Variants in NR4A1 observed in about 807,000 individuals in gnomAD.
NR4A1 encodes the protein nuclear receptor subfamily 4 group A member 1.
NR4A1 carries 24 observed loss-of-function variants against 47.5 expected under a neutral mutation model. That is an observed-to-expected ratio of 0.50 (90% CI 0.37 to 0.71). NR4A1 has a LOEUF of 0.71. Ranked by LOEUF, NR4A1 falls within the 30% of genes least tolerant of loss-of-function variation. NR4A1 has a pLI of 0.00. For synonymous variants in NR4A1, 353 were observed against 345.7 expected (o/e 1.02, Z -0.24); for missense variants, 669 against 788.6 (o/e 0.85, Z 1.82).
At chr12:52,037,086 G>A (rs996737292) in intron 1 of NR4A1, 6 of 151,072 alleles carry the variant, frequency 4.0e-5, no homozygotes, top group African/African-American at 9.7e-5. Flanking sequence ...CCGCCGCCGG[G>A]ATTCCGGAGA....
intron 1 of NR4A1, among the ~76,000 whole-genome samples, chr12:52,034,937 A>C (rs557824180): frequency 2.6e-5 from 4 of 152,140 alleles, no homozygotes; most frequent in African/African-American, 4.8e-5. Context: ...TCAAAGAGGC[A>C]CTCTCATGGC....
intron 1 of NR4A1, among the ~76,000 whole-genome samples, chr12:52,034,689 A>T (rs918091280): frequency 6.6e-6 from 1 of 152,216 alleles, no homozygotes; most frequent in Non-Finnish European, 1.5e-5. Context: ...TCAGGGAGAC[A>T]ACAACAGGGC....
chr12:52,054,764 T>C lies in NR4A1; in HGVS notation c.436T>C (p.Phe146Leu), dbSNP rs199798856. 1.2e-6 allele frequency: 2 copies of C among 1,612,410 alleles called. No individual in the cohort carries two copies. Among genetic ancestry groups the C allele is most frequent in the African/African-American group, 2.7e-5 (2 of 74,906 alleles). The stretch of plus-strand genomic sequence containing the variant: ...GGCCCCGTCGCCCTCCACGCCCAGC[T>C]TCCAGCCGCCCCAGCTCTCTCCCTG... ...CSAPSPSTPS[F>L]QPPQLSPWDG... Residue 146 changes from phenylalanine to leucine, a missense_variant, in exon 2 of 7, where the codon TTC becomes CTC. Physicochemically the swap from Phe to Leu is conservative, Grantham distance 22 (BLOSUM62 0). Coordinates refer to ENST00000394825, the MANE Select transcript of NR4A1 (RefSeq NM_173157.3).
intron 1 of NR4A1, among the ~76,000 whole-genome samples, chr12:52,052,304 T>TGTGTGA (rs398019589): frequency 4.0e-4 from 28 of 70,660 alleles, no homozygotes; most frequent in African/African-American, 1.2e-3. Context: ...TGTGTGTGTG[T>TGTGTGA]GAGAGAGAGA....
At chr12:52,037,230 C>T (rs1938268068) in intron 1 of NR4A1, 1 of 366,016 alleles carries the variant, frequency 2.7e-6, no homozygotes, top group Non-Finnish European at 3.8e-6. Flanking sequence ...GGGGGGCTTC[C>T]CGGGGGCGGG....
At chr12:52,026,100 T>C (rs1937993900) in intron 1 of NR4A1, among the ~76,000 whole-genome samples, 2 of 152,214 alleles carry the variant, frequency 1.3e-5, no homozygotes, top group African/African-American at 4.8e-5. Flanking sequence ...TCTGGACAGA[T>C]CACACCCTGT....
intron 1 of NR4A1, among the ~76,000 whole-genome samples, chr12:52,031,276 T>C (rs1938122027): frequency 6.6e-6 from 1 of 151,796 alleles, no homozygotes. Context: ...TCCTCCCATC[T>C]CGGCCTCCCA....
intron 1 of NR4A1, among the ~76,000 whole-genome samples, chr12:52,025,516 A>T (rs2120900145): frequency 6.6e-6 from 1 of 151,916 alleles, no homozygotes; most frequent in African/African-American, 2.4e-5. Context: ...TCCCTGCTAC[A>T]TTGTCGCCTC....
intron 1 of NR4A1, among the ~76,000 whole-genome samples, chr12:52,028,237 G>A (rs1007745586): frequency 5.5e-5 from 8 of 144,236 alleles, no homozygotes; most frequent in Admixed American, 2.1e-4. Flanking sequence ...AAAGAAGAGA[G>A]AAGTATGAAT....
intron 1 of NR4A1, among the ~76,000 whole-genome samples, chr12:52,033,270 C>T (rs1938169153): frequency 6.6e-6 from 1 of 152,152 alleles, no homozygotes; most frequent in Non-Finnish European, 1.5e-5. Flanking sequence ...AGGGAGGACC[C>T]GCCGGGCCAG....
In NR4A1 at chr12:52,054,481, C is replaced by G; in HGVS notation, c.153C>G (p.Pro51=). 1 of 1,613,910 alleles carries G rather than the reference C, an allele frequency of 6.2e-7. No homozygotes were observed. The highest frequency in any genetic ancestry group is 8.5e-7 in the Non-Finnish European group (1 of 1,179,986). ...EAAPAAPTAL[P]SFSTFMDGYT... is the part of the protein sequence containing the mutation. ...CCCCCGCTGCCCCCACTGCCCTGCC[C>G]AGCTTCAGCACCTTCATGGACGGCT... The change falls in exon 2 of 7, where the codon CCC becomes CCG. Residue 51 remains proline, a synonymous_variant. Transcript: ENST00000394825.
intron 1 of NR4A1, among the ~76,000 whole-genome samples, chr12:52,024,398 G>A (rs1045738167): frequency 6.6e-6 from 1 of 152,064 alleles, no homozygotes; most frequent in Non-Finnish European, 1.5e-5. Flanking sequence ...CTCTCCAAGT[G>A]CTTAACTTAT....
rs1314020568 is a variant in NR4A1 at position 52,057,082 on chromosome 12, T to G, written c.1184T>G (p.Phe395Cys). ...TTCCAGGAGCTGGTGCTGCCCCACT[T>G]TGGGAAGGAAGATGCTGGGGATGTA... ...SKFQELVLPH[F>C]GKEDAGDVQQ... Residue 395 changes from phenylalanine (F) to cysteine (C), a missense_variant, in exon 5 of 7, where the codon TTT becomes TGT. Coordinates refer to ENST00000394825, the MANE Select transcript of NR4A1 (RefSeq NM_173157.3). 5.6e-6 allele frequency: 9 copies of G among 1,608,530 alleles called. 1 individual carries two copies. In the East Asian group the frequency reaches 1.8e-4, roughly 32 times the overall value.
At chr12:52,024,538 T>A (rs184039840) in intron 1 of NR4A1, among the ~76,000 whole-genome samples, 84 of 152,116 alleles carry the variant, frequency 5.5e-4, no homozygotes, top group African/African-American at 1.9e-3. Flanking sequence ...CTACAAAAAA[T>A]TTTTAAAAAT....
At chr12:52,050,635 T>G (rs2120391344), upstream of NR4A1, among the ~76,000 whole-genome samples, 2 of 152,268 alleles carry the variant, frequency 1.3e-5, no homozygotes, top group South Asian at 2.1e-4. Flanking sequence ...GCCAGAGCTG[T>G]TGGCCGAGCT....
chr12:52,041,756 G>A (rs1408970800), intron 1 of NR4A1: 3 of 1,259,432 alleles, frequency 2.4e-6, no homozygotes, highest in African/African-American at 1.5e-5. Flanking sequence ...CTGTCTCCAG[G>A]GAATGTGCCT....
In NR4A1 at chr12:52,034,876, G is replaced by A. The variant is rs143029547; in HGVS notation, c.-83-6934G>A. Among the ~76,000 whole-genome samples, 195 of 152,320 alleles carry A rather than the reference G, an allele frequency of 1.3e-3. 1 individual carries two copies. Among genetic ancestry groups the A allele is most frequent in the African/African-American group, 4.3e-3 (179 of 41,576 alleles). On this transcript the variant is annotated intron_variant, in intron 1 of 7. Coordinates refer to the NR4A1 transcript ENST00000360284. ...CCTCCAAGTCCTCCTGTATGGAAAT[G>A]GCAGATCTGCCATGATGTGCCAGAC...
In NR4A1 at chr12:52,052,628, C is replaced by G. The variant is rs149292649; in HGVS notation, c.-3+1060C>G. The G allele has an allele frequency of 3.8e-4, 370 of 985,656 alleles. 5 individuals are homozygous for G. The East Asian group carries it at 0.013, about 35-fold the overall frequency. The allele number at this position is 985,656 out of a possible 1,614,324, so 61.1% of individuals were successfully genotyped here. On this transcript the variant is annotated intron_variant, in intron 1 of 6. Transcript: ENST00000394825. Reference sequence around the variant, plus strand: ...TCCTCCTCCTGTGGGACTGCTCCCCCCTCCTGTGAGGCTAGATGTAGGTCC... The same window carrying G: ...TCCTCCTCCTGTGGGACTGCTCCCCGCTCCTGTGAGGCTAGATGTAGGTCC...
intron 3 of NR4A1, 81 bp from the exon 4 acceptor site, chr12:52,056,408 GCGTCT>G: frequency 6.5e-7 from 1 of 1,533,618 alleles, no homozygotes; most frequent in South Asian, 1.2e-5. Context: ...TCGGTGGGGC[GCGTCT>G]CAGCAGTGGT....
Sources: gnomAD v4.1 joint callset for allele counts (sites outside exome capture counted in the v4.1 genomes callset) on GRCh38, gnomAD v4.1.1 for gene constraint, MANE v1.5 for transcripts, NCBI Gene and HGNC (gene_info 2026-07-23, HGNC 2026-07-21) for gene names.